RO60: variants seen among roughly 807,000 people sequenced by gnomAD.
The protein encoded by RO60 is Ro60, Y RNA binding protein.
A neutral mutation model predicts 55.3 loss-of-function variants in RO60; 20 were observed. The ratio of observed to expected loss-of-function variants is 0.36; its 90% CI spans 0.25 to 0.53. RO60 has a LOEUF of 0.53. Ranked by LOEUF, RO60 falls within the 20% of genes least tolerant of loss-of-function variation. RO60 has a pLI of 0.92. For missense variants in RO60, 558 were observed against 646.6 expected (o/e 0.86, Z 1.49); for synonymous variants, 213 against 213.6 (o/e 1.00, Z 0.02).
rs1436891846 is a variant in RO60, at chr1:193,090,696, CATAGA to C, written c.*5969_*5973del. 6.6e-6 allele frequency: 1 copy of C among 151,886 alleles called. No homozygotes were observed. Among genetic ancestry groups the C allele is most frequent in the Non-Finnish European group, 1.5e-5 (1 of 67,952 alleles). 9.4% of individuals were successfully genotyped at this position (151,886 alleles called of 1,614,324 possible). The stretch of plus-strand genomic sequence containing the variant: ...TTTAAATTACACAGAATAATGTCTA[CATAGA>C]ATAAACTTAAGTATTCAAGAGCCTT... On this transcript the variant is annotated 3_prime_UTR_variant, in exon 9 of 9. Transcript: ENST00000400968.
At chr1:193,083,738 G>A (rs1674475365) in intron 8 of RO60, among the ~76,000 whole-genome samples, 1 of 152,146 alleles carries the variant, frequency 6.6e-6, no homozygotes, top group Non-Finnish European at 1.5e-5. Flanking sequence ...TGCAGGTAAG[G>A]GAATAGTTTT....
rs575125075 is a variant in RO60 at position 193,076,106 on chromosome 1, T to C, written c.801+66T>C. On this transcript the variant is annotated intron_variant, in intron 3 of 8. Transcript: ENST00000400968. ...TAATTTAGTGTAGGTGCTAAAAGGA[T>C]AAACTTGGGGTAGCTATATATTTAT... The C allele has an allele frequency of 4.8e-6, 5 of 1,045,628 alleles. No homozygotes were observed. The East Asian group carries it at 7.8e-5, about 16-fold the overall frequency. The allele number at this position is 1,045,628 out of a possible 1,614,324, so 64.8% of individuals were successfully genotyped here. A position where few individuals can be genotyped will look rare whatever the true frequency, so the allele number is the denominator to read the frequency against.
At chr1:193,091,673 T>G (rs1674865363), downstream of RO60, 2 of 1,612,094 alleles carry the variant, frequency 1.2e-6, no homozygotes, top group Non-Finnish European at 1.7e-6. Context: ...CCCTACTAAA[T>G]AAATCATTTT....
rs763637741 is a variant in RO60, at chr1:193,059,686, C to G, written c.-112C>G. 3.7e-6 allele frequency: 5 copies of G among 1,361,562 alleles called. No individual in the cohort carries two copies. The highest frequency in any genetic ancestry group is 4.6e-5 in the East Asian group (1 of 21,906). 84.3% of individuals were successfully genotyped at this position (1,361,562 alleles called of 1,614,324 possible). A position where few individuals can be genotyped will look rare whatever the true frequency, so the allele number is the denominator to read the frequency against. On this transcript the variant is annotated 5_prime_UTR_variant, in exon 1 of 9. Coordinates refer to ENST00000400968, the MANE Select transcript of RO60 (RefSeq NM_001173524.2). The surrounding 1 kb of genome is among the most constrained non-coding windows in gnomAD (Gnocchi z 4.9). Reference sequence around the variant, plus strand: ...TGCTGTTGCTGTGGCTGTCGCTGCCCGTCAGGCTGCCTTCTTTTGTCGTTT... The same window carrying G: ...TGCTGTTGCTGTGGCTGTCGCTGCCGGTCAGGCTGCCTTCTTTTGTCGTTT...
chr1:193,082,986 G>A (rs1467999502), intron 8 of RO60, among the ~76,000 whole-genome samples: 2 of 151,906 alleles, frequency 1.3e-5, no homozygotes, highest in Non-Finnish European at 2.9e-5. Flanking sequence ...CAAACTCCTA[G>A]GCTCAAGCGA....
Position 193,085,545 on chromosome 1 carries a change from CTG to C in RO60, c.*816_*817del, listed in dbSNP as rs1320277491. On this transcript the variant is annotated 3_prime_UTR_variant, in exon 9 of 9. Coordinates refer to ENST00000400968, the MANE Select transcript of RO60 (RefSeq NM_001173524.2). ...TAACATAGCCAGATGTAGTCTCACA[CTG>C]TTTTTCATACTCTTAAGTGTAAATA... 1.0e-6 allele frequency: 1 copy of C among 984,564 alleles called. No individual in the cohort carries two copies. Among genetic ancestry groups the C allele is most frequent in the African/African-American group, 1.8e-5 (1 of 57,128 alleles). 61.0% of individuals were successfully genotyped at this position (984,564 alleles called of 1,614,324 possible).
intron 1 of RO60, among the ~76,000 whole-genome samples, chr1:193,068,640 T>C (rs1246839014): frequency 1.3e-5 from 2 of 152,252 alleles, no homozygotes; most frequent in Non-Finnish European, 2.9e-5. Flanking sequence ...GCTTAATCTC[T>C]GAAGGAGCAC....
intron 5 of RO60, among the ~76,000 whole-genome samples, chr1:193,079,557 G>C (rs1429659199): frequency 6.6e-6 from 1 of 152,098 alleles, no homozygotes; most frequent in Non-Finnish European, 1.5e-5. Flanking sequence ...CTAAATTTAA[G>C]AGCTAAAACT....
At chr1:193,070,146 C>CA (rs112979908) in intron 2 of RO60, among the ~76,000 whole-genome samples, 3,626 of 86,122 alleles carry the variant, frequency 0.042, 133 homozygotes, top group African/African-American at 0.13. Context: ...AGTAGAAAAG[C>CA]AAAAAAAAAA....
At chr1:193,066,729 A>G (rs1362233650) in intron 1 of RO60, among the ~76,000 whole-genome samples, 5 of 152,224 alleles carry the variant, frequency 3.3e-5, no homozygotes, top group African/African-American at 1.2e-4. Context: ...TCAAGTAAGC[A>G]TGATCTTCAG....
intron 8 of RO60, among the ~76,000 whole-genome samples, chr1:193,083,568 G>A (rs148062319): frequency 6.6e-6 from 1 of 152,262 alleles, no homozygotes; most frequent in African/African-American, 2.4e-5. Flanking sequence ...TTCTCAAAGT[G>A]TGGTTTCCCT....
In RO60 at chr1:193,070,069, G is replaced by A. The variant is rs543491004; in HGVS notation, c.580+435G>A. On this transcript the variant is annotated intron_variant, in intron 2 of 8. Transcript: ENST00000400968. ...TCAGTATAATCGTTTGTAAAACTTA[G>A]GTAACTGTACACAGCTGTTCCTTAA... Among the ~76,000 whole-genome samples, 3 of 151,772 alleles carry A rather than the reference G, an allele frequency of 2.0e-5. No homozygotes were observed. In the East Asian group the frequency reaches 5.8e-4, roughly 29 times the overall value.
rs1173898523 is a variant in RO60, at chr1:193,085,616, T to C, written c.*885T>C. 3.0e-6 allele frequency: 3 copies of C among 984,432 alleles called. No homozygotes were observed. Among genetic ancestry groups the C allele is most frequent in the Non-Finnish European group, 3.6e-6 (3 of 829,176 alleles). The allele number at this position is 984,432 out of a possible 1,614,324, so 61.0% of individuals were successfully genotyped here. A position where few individuals can be genotyped will look rare whatever the true frequency, so the allele number is the denominator to read the frequency against. ...GCTTAACTCCCCCTCATTCACAAAG[T>C]ATAACAATTAAAATCTCAACTATAA... On this transcript the variant is annotated 3_prime_UTR_variant, in exon 9 of 9. Transcript: ENST00000400968.
intron 1 of RO60, among the ~76,000 whole-genome samples, chr1:193,065,527 G>C (rs1419419501): frequency 6.6e-6 from 1 of 152,150 alleles, no homozygotes; most frequent in Non-Finnish European, 1.5e-5. Context: ...TGAAAGCTGA[G>C]GGAGAGACTA....
rs769060945 is a variant in RO60, at chr1:193,081,478, A to G, written c.1201A>G (p.Met401Val). Residue 401 changes from methionine (M) to valine (V), a missense_variant and splice_region_variant, in exon 6 of 9, where the codon ATG becomes GTG. By Grantham distance (21) the Met-to-Val change is conservative. Transcript: ENST00000400968. Reference protein sequence around the residue: ...NASTVAAAMCMVVTRTEKDSY... With the variant: ...NASTVAAAMCVVVTRTEKDSY... Reference sequence around the variant, plus strand: ...TAGTACAGTTGCTGCAGCAATGTGCATGGTGAGAACACCTAAGACAATTTT... The same window carrying G: ...TAGTACAGTTGCTGCAGCAATGTGCGTGGTGAGAACACCTAAGACAATTTT... 1.9e-6 allele frequency: 3 copies of G among 1,588,940 alleles called. No homozygotes were observed. Among genetic ancestry groups the G allele is most frequent in the South Asian group, 2.3e-5 (2 of 88,590 alleles).
At chr1:193,068,321 T>C (rs1269477178) in intron 1 of RO60, among the ~76,000 whole-genome samples, 1 of 152,226 alleles carries the variant, frequency 6.6e-6, no homozygotes, top group Non-Finnish European at 1.5e-5. Context: ...CTGAGAGGGC[T>C]GACCCACCAA....
In RO60 at chr1:193,090,782, AG is replaced by A. The variant is rs1054638689; in HGVS notation, c.*6053del. 6 of 152,164 alleles carry A rather than the reference AG, an allele frequency of 3.9e-5. No homozygotes were observed. The highest frequency in any genetic ancestry group is 1.4e-4 in the African/African-American group (6 of 41,450). The allele number at this position is 152,164 out of a possible 1,614,324, so 9.4% of individuals were successfully genotyped here. On this transcript the variant is annotated 3_prime_UTR_variant, in exon 9 of 9. Transcript: ENST00000400968. ...TAAAATACTACTTGCTCTGTAATTC[AG>A]GCATACTAGTTACTTTCCTTGGGGT...
chr1:193,082,947 G>C (rs1674416622), intron 8 of RO60, among the ~76,000 whole-genome samples: 1 of 151,862 alleles, frequency 6.6e-6, no homozygotes, highest in South Asian at 2.1e-4. Context: ...TGTAGGAATG[G>C]GGTTTCACCA....
intron 5 of RO60, among the ~76,000 whole-genome samples, chr1:193,077,615 A>C (rs1674016600): frequency 6.6e-6 from 1 of 152,102 alleles, no homozygotes; most frequent in Non-Finnish European, 1.5e-5. Context: ...AATTATCTCT[A>C]CCTGGTCCCA....
Sources: gnomAD v4.1 joint callset for allele counts (sites outside exome capture counted in the v4.1 genomes callset) on GRCh38, gnomAD v4.1.1 for gene constraint, Gnocchi (gnomAD v3.1) non-coding constraint, MANE v1.5 for transcripts, NCBI Gene and HGNC (gene_info 2026-07-23, HGNC 2026-07-21) for gene names.